Variants in ZNF469 observed in about 807,000 individuals in gnomAD.
ZNF469 encodes zinc finger protein 469.
In ZNF469, 1 loss-of-function variant was observed where a neutral mutation model predicts 1.0. That is an observed-to-expected ratio of 1.00 (90% CI 0.35 to 4.73). The LOEUF (loss-of-function observed/expected upper bound fraction) is 4.73. ZNF469 is among the 30% of genes most tolerant of loss of function. ZNF469 has a pLI of 0.16. For synonymous variants in ZNF469, 2,703 were observed against 2,363.4 expected (o/e 1.14, Z -4.17); for missense variants, 6,100 against 5,356.3 (o/e 1.14, Z -4.33).
chr16:88,438,842 A>G lies in ZNF469; in HGVS notation c.11372A>G (p.Lys3791Arg). ...CGAGCCCAAGCCAAGAGCTGCACCA[A>G]GGGGCCAAGGGAAGCTGGTGAGCAG... ...PARAQAKSCT[K>R]GPREAGEQGP... Residue 3791 changes from lysine to arginine, a missense_variant, in exon 3 of 3, where the codon AAG (lysine) becomes AGG (arginine). By Grantham distance (26) the Lys-to-Arg change is conservative (BLOSUM62 2). Transcript: ENST00000565624. 1 of 1,550,386 alleles carries G rather than the reference A, an allele frequency of 6.5e-7. No homozygotes were observed. The highest frequency in any genetic ancestry group is 8.7e-7 in the Non-Finnish European group (1 of 1,146,968).
At chr16:88,102,147 T>G in the ZNF469 span, among the ~76,000 whole-genome samples, 16 of 147,064 alleles carry the variant, frequency 1.1e-4, no homozygotes, top group East Asian at 2.0e-3. Context: ...CATGTGCTGG[T>G]GATTTATCAC....
rs139369997 is a variant in ZNF469 at position 88,418,757 on chromosome 16, C to T, written c.-191-6050C>T. On this transcript the variant is annotated intron_variant, in intron 1 of 2. Coordinates refer to ENST00000565624, the MANE Select transcript of ZNF469 (RefSeq NM_001367624.2). Reference sequence around the variant, plus strand: ...AATTTGCGCCGTATTCTTAAACTTACCCTCCGGGCCATATCTCAGATATAA... The same window carrying T: ...AATTTGCGCCGTATTCTTAAACTTATCCTCCGGGCCATATCTCAGATATAA... 2.0e-5 allele frequency among the ~76,000 whole-genome samples: 3 copies of T among 152,220 alleles called. No homozygotes were observed. The South Asian group carries it at 6.2e-4, about 31-fold the overall frequency.
the ZNF469 span, among the ~76,000 whole-genome samples, chr16:88,247,440 ATAAG>A: frequency 1.3e-5 from 2 of 150,760 alleles, no homozygotes; most frequent in African/African-American, 2.5e-5. Flanking sequence ...GAATGAGTGA[ATAAG>A]TGAGTGAATG....
chr16:88,236,122 A>G, the ZNF469 span, among the ~76,000 whole-genome samples: 2 of 152,258 alleles, frequency 1.3e-5, no homozygotes, highest in Admixed American at 6.5e-5. Flanking sequence ...GCTGCCCTTC[A>G]AGGCAATAGA....
the ZNF469 span, among the ~76,000 whole-genome samples, chr16:88,361,769 A>G: frequency 2.0e-5 from 3 of 151,912 alleles, no homozygotes; most frequent in African/African-American, 7.3e-5. Flanking sequence ...GTCCTAAGAT[A>G]CTTTCTCCAA....
the ZNF469 span, among the ~76,000 whole-genome samples, chr16:88,129,608 C>A: frequency 1.3e-5 from 2 of 152,158 alleles, no homozygotes; most frequent in Non-Finnish European, 2.9e-5. Flanking sequence ...AATCCCAGCA[C>A]TTTGGGAGGC....
At chr16:88,345,403 C>T in the ZNF469 span, among the ~76,000 whole-genome samples, 1 of 152,182 alleles carries the variant, frequency 6.6e-6, no homozygotes, top group Non-Finnish European at 1.5e-5. Context: ...ATGTAAGCAG[C>T]TCCGTGTGGC....
the ZNF469 span, among the ~76,000 whole-genome samples, chr16:88,163,792 G>A: frequency 3.9e-4 from 60 of 151,966 alleles, no homozygotes; most frequent in African/African-American, 1.4e-3. Context: ...TGAAAGGGTG[G>A]GTAAGTTGAT....
chr16:88,439,639 C>G lies in ZNF469; in HGVS notation c.*307C>G, dbSNP rs1287604431. 7.2e-6 allele frequency: 3 copies of G among 417,310 alleles called. No individual in the cohort carries two copies. Among genetic ancestry groups the G allele is most frequent in the South Asian group, 2.5e-5 (1 of 40,272 alleles). 25.9% of individuals were successfully genotyped at this position (417,310 alleles called of 1,614,324 possible). A position where few individuals can be genotyped will look rare whatever the true frequency, so the allele number is the denominator to read the frequency against. On this transcript the variant is annotated 3_prime_UTR_variant, in exon 3 of 3. Coordinates refer to ENST00000565624, the MANE Select transcript of ZNF469 (RefSeq NM_001367624.2). ...CAGCCCATCCCCTCAGCCCACACCC[C>G]TGCGCCCTGTGGGCACCGACACCAC...
Position 88,430,164 on chromosome 16 carries a change from G to A in ZNF469, c.2694G>A (p.Pro898=). The A allele has an allele frequency of 6.5e-7, 1 of 1,548,894 alleles. No homozygotes were observed. The highest frequency in any genetic ancestry group is 1.2e-5 in the South Asian group (1 of 84,030). The change falls in exon 3 of 3, where the codon CCG becomes CCA. Residue 898 remains proline (P), a synonymous_variant. Transcript: ENST00000565624. ...KAGVTPESKA[P]PPLPAATPDP... ...GGGTGACTCCAGAGAGCAAAGCTCC[G>A]CCCCCGCTCCCAGCAGCCACGCCGG...
Position 88,427,857 on chromosome 16 carries a change from C to T in ZNF469, c.387C>T (p.Thr129=). Residue 129 remains threonine, a synonymous_variant, in exon 3 of 3, where the codon ACC becomes ACT. Coordinates refer to ENST00000565624, the MANE Select transcript of ZNF469 (RefSeq NM_001367624.2). ...TTCTGGGCATCGCCAGCTCGAGGACCAAGCCCACCCTGGACGAGACACCAG... is the reference window on the plus strand; with the variant it reads ...TTCTGGGCATCGCCAGCTCGAGGACTAAGCCCACCCTGGACGAGACACCAG... ...RYILGIASSR[T]KPTLDETPEN... The T allele has an allele frequency of 2.6e-6, 4 of 1,549,518 alleles. No homozygotes were observed. Among genetic ancestry groups the T allele is most frequent in the Non-Finnish European group, 2.6e-6 (3 of 1,146,782 alleles).
the ZNF469 span, among the ~76,000 whole-genome samples, chr16:88,286,828 A>G: frequency 1.3e-5 from 2 of 152,140 alleles, no homozygotes; most frequent in Non-Finnish European, 2.9e-5. Flanking sequence ...GTGTCTTATA[A>G]TACTGCATCC....
At chr16:88,158,931 G>A in the ZNF469 span, among the ~76,000 whole-genome samples, 12 of 152,250 alleles carry the variant, frequency 7.9e-5, no homozygotes, top group South Asian at 8.3e-4. Flanking sequence ...CCCAGACCTC[G>A]CTGGGGCAGG....
the ZNF469 span, among the ~76,000 whole-genome samples, chr16:88,121,228 G>T: frequency 1.5e-4 from 11 of 75,024 alleles, no homozygotes; most frequent in Admixed American, 4.7e-4. Context: ...ATGGTGAAGG[G>T]GGGGAGGTTG....
the ZNF469 span, among the ~76,000 whole-genome samples, chr16:88,305,752 G>A: frequency 6.6e-6 from 1 of 151,964 alleles, no homozygotes; most frequent in Non-Finnish European, 1.5e-5. Flanking sequence ...TCATACACAC[G>A]GAAACACACA....
At chr16:88,149,325 G>A in the ZNF469 span, among the ~76,000 whole-genome samples, 10 of 152,294 alleles carry the variant, frequency 6.6e-5, no homozygotes, top group South Asian at 2.1e-3. Flanking sequence ...GTGAGTGCTG[G>A]GCGGGAGAGA....
chr16:88,299,876 C>A, the ZNF469 span, among the ~76,000 whole-genome samples: 2 of 152,176 alleles, frequency 1.3e-5, no homozygotes, highest in African/African-American at 4.8e-5. Context: ...CCCTCTGAGG[C>A]CAGCACTGCC....
At chr16:88,310,288 C>T in the ZNF469 span, among the ~76,000 whole-genome samples, 2 of 152,088 alleles carry the variant, frequency 1.3e-5, no homozygotes, top group African/African-American at 4.8e-5. Context: ...AGCAGAATTT[C>T]TTTGGGGAGC....
chr16:88,321,193 G>GC, the ZNF469 span, among the ~76,000 whole-genome samples: 3 of 152,344 alleles, frequency 2.0e-5, no homozygotes, highest in East Asian at 1.9e-4. Context: ...GTCCTGGGGT[G>GC]CCCCCCACCT....
Sources: gnomAD v4.1 joint callset for allele counts (sites outside exome capture counted in the v4.1 genomes callset) on GRCh38, gnomAD v4.1.1 for gene constraint, MANE v1.5 for transcripts, NCBI Gene and HGNC (gene_info 2026-07-23, HGNC 2026-07-21) for gene names.